The following ASB4 variants were observed in gnomAD, a reference collection of about 807,000 sequenced individuals.
The protein encoded by ASB4 is ankyrin repeat and SOCS box containing 4, also known as ankyrin repeat and SOCS box protein 4.
Under a neutral mutation model 38.6 loss-of-function variants are expected in ASB4, and 35 were observed. The ratio of observed to expected loss-of-function variants is 0.91; its 90% CI spans 0.69 to 1.20. ASB4 has a LOEUF of 1.20. ASB4 is among the 50% of genes most tolerant of loss of function. The pLI is 0.00. For missense variants in ASB4, 557 were observed against 527.2 expected, an observed-to-expected ratio of 1.06 and a Z score of -0.55; for synonymous variants, 195 against 201.3, an observed-to-expected ratio of 0.97 and a Z score of 0.26.
At chr7:95,542,017 T>C (rs1212048367), downstream of ASB4, 2 of 151,928 alleles carry the variant, frequency 1.3e-5, no homozygotes, top group Non-Finnish European at 2.9e-5. Context: ...CAGTGACCTA[T>C]GATCACACCA....
chr7:95,531,557 G>A (rs1191772451), intron 3 of ASB4, among the ~76,000 whole-genome samples: 9 of 152,144 alleles, frequency 5.9e-5, no homozygotes, highest in Non-Finnish European at 1.2e-4. Flanking sequence ...CATGGGCATG[G>A]TAACCATTAA....
chr7:95,515,137 G>A (rs992458026), intron 2 of ASB4, among the ~76,000 whole-genome samples: 2 of 151,140 alleles, frequency 1.3e-5, no homozygotes, highest in African/African-American at 4.9e-5. Flanking sequence ...CTCTGTCCAA[G>A]CAATTGTTTT....
the ASB4 span, among the ~76,000 whole-genome samples, chr7:95,471,538 A>G: frequency 6.6e-6 from 1 of 152,220 alleles, no homozygotes; most frequent in African/African-American, 2.4e-5. Flanking sequence ...TTATATTTGT[A>G]TGAGAGTTGA....
intron 2 of ASB4, among the ~76,000 whole-genome samples, chr7:95,519,198 G>T (rs941068065): frequency 1.3e-5 from 2 of 152,122 alleles, no homozygotes; most frequent in Admixed American, 1.3e-4. Context: ...CTAGAAAAAA[G>T]CAACCAACTG....
At chr7:95,534,642 T>G (rs1177298782) in intron 3 of ASB4, among the ~76,000 whole-genome samples, 1 of 152,168 alleles carries the variant, frequency 6.6e-6, no homozygotes, top group Non-Finnish European at 1.5e-5. Context: ...CCTCTGTGGG[T>G]TGCTGATGGT....
At chr7:95,491,707 T>C (rs3801916) in intron 1 of ASB4, among the ~76,000 whole-genome samples, 104,279 of 152,084 alleles carry the variant, frequency 0.69, 36,453 homozygotes, top group East Asian at 0.94. Flanking sequence ...AGATTGTGAA[T>C]AGGCACAGCC....
chr7:95,513,251 T>TTG (rs1234084293), intron 2 of ASB4, among the ~76,000 whole-genome samples: 1 of 113,532 alleles, frequency 8.8e-6, no homozygotes, highest in African/African-American at 3.5e-5. Context: ...TGTTTTTTGT[T>TTG]TGTTTTTTTT....
intron 3 of ASB4, among the ~76,000 whole-genome samples, chr7:95,533,003 G>C (rs1364075363): frequency 1.3e-5 from 2 of 152,174 alleles, no homozygotes; most frequent in Non-Finnish European, 2.9e-5. Flanking sequence ...TGAGGAAAAT[G>C]CTGCTAAAAT....
chr7:95,540,920 A>T (rs980770663), downstream of ASB4, among the ~76,000 whole-genome samples: 1 of 152,254 alleles, frequency 6.6e-6, no homozygotes, highest in South Asian at 2.1e-4. Context: ...TGGAAAAGAC[A>T]GCTGAGTCTT....
At chr7:95,491,727 G>A (rs1790173923) in intron 1 of ASB4, among the ~76,000 whole-genome samples, 1 of 152,186 alleles carries the variant, frequency 6.6e-6, no homozygotes, top group African/African-American at 2.4e-5. Flanking sequence ...CTCATCTGTA[G>A]TTTTTGAAGA....
intron 2 of ASB4, among the ~76,000 whole-genome samples, chr7:95,517,321 A>C (rs1790597506): frequency 6.6e-6 from 1 of 152,178 alleles, no homozygotes; most frequent in Non-Finnish European, 1.5e-5. Context: ...GACGTTAGCC[A>C]CCATGCCAGG....
At chr7:95,497,352 TGCAATACATTTTGGAAGTAG>T (rs1258278692) in intron 2 of ASB4, among the ~76,000 whole-genome samples, 1 of 152,128 alleles carries the variant, frequency 6.6e-6, no homozygotes, top group Non-Finnish European at 1.5e-5. Flanking sequence ...GAGATGGGTT[TGCAATACATTTTGGAAGTAG>T]AATTGTTGGG....
At chr7:95,510,943 C>A (rs1407322395) in intron 2 of ASB4, among the ~76,000 whole-genome samples, 2 of 152,110 alleles carry the variant, frequency 1.3e-5, no homozygotes, top group Non-Finnish European at 2.9e-5. Context: ...GCTTATTATC[C>A]TCTGAACATT....
At position 95,539,435 on chromosome 7, in the gene ASB4, T is replaced by C. The variant is rs1355694015; in HGVS notation, c.*1676T>C. The C allele has an allele frequency of 2.0e-5, 3 of 152,240 alleles. No individual in the cohort carries two copies. Among genetic ancestry groups the C allele is most frequent in the African/African-American group, 7.2e-5 (3 of 41,470 alleles). 9.4% of individuals were successfully genotyped at this position (152,240 alleles called of 1,614,324 possible). A position where few individuals can be genotyped will look rare whatever the true frequency, so the allele number is the denominator to read the frequency against. On this transcript the variant is annotated 3_prime_UTR_variant, in exon 5 of 5. Coordinates refer to ENST00000325885, the MANE Select transcript of ASB4 (RefSeq NM_016116.3). ...CTCAGATATTTTGGTGGAGATATTT[T>C]GTACTAAAACAAGATCTATATCATG...
At chr7:95,543,272 A>G (rs1051208920), downstream of ASB4, 1 of 152,312 alleles carries the variant, frequency 6.6e-6, no homozygotes, top group African/African-American at 2.4e-5. Flanking sequence ...GACTGTATCA[A>G]CTGACTCCCT....
chr7:95,508,701 C>T (rs971679253), intron 2 of ASB4, among the ~76,000 whole-genome samples: 3 of 151,930 alleles, frequency 2.0e-5, no homozygotes, highest in Non-Finnish European at 4.4e-5. Context: ...ATAATGGCCC[C>T]AGATAGATGC....
intron 3 of ASB4, among the ~76,000 whole-genome samples, chr7:95,535,027 T>C (rs765649661): frequency 1.2e-4 from 19 of 152,252 alleles, no homozygotes; most frequent in Non-Finnish European, 2.5e-4. Flanking sequence ...GCCTCTTTAC[T>C]GTCAACACAC....
chr7:95,487,370 T>C (rs1295474418), intron 1 of ASB4, among the ~76,000 whole-genome samples: 1 of 152,232 alleles, frequency 6.6e-6, no homozygotes, highest in African/African-American at 2.4e-5. Context: ...TTTCATCTTA[T>C]AATTTTGTTC....
chr7:95,481,794 C>T (rs1199458153), upstream of ASB4, among the ~76,000 whole-genome samples: 1 of 152,228 alleles, frequency 6.6e-6, no homozygotes, highest in African/African-American at 2.4e-5. Context: ...ACATCATTGC[C>T]TTGTCAGAAA....
Sources: gnomAD v4.1 joint callset for allele counts (sites outside exome capture counted in the v4.1 genomes callset) on GRCh38, gnomAD v4.1.1 for gene constraint, MANE v1.5 for transcripts, NCBI Gene and HGNC (gene_info 2026-07-23, HGNC 2026-07-21) for gene names.